LDB2: variants seen among roughly 807,000 people sequenced by gnomAD.
LDB2 encodes the protein LIM domain binding 2.
A neutral mutation model predicts 44.3 loss-of-function variants in LDB2; 12 were observed. The ratio of observed to expected loss-of-function variants is 0.27; its 90% confidence interval spans 0.17 to 0.44. LDB2 has a LOEUF of 0.44. LDB2 is among the 20% of genes least tolerant of loss of function. LDB2 has a pLI of 1.00. For missense variants in LDB2, 344 were observed against 473.5 expected (o/e 0.73, Z 2.54); for synonymous variants, 164 against 174.8 (o/e 0.94, Z 0.49).
At chr4:16,599,509 A>G (rs1721984637) in intron 2 of LDB2, among the ~76,000 whole-genome samples, 1 of 152,148 alleles carries the variant, frequency 6.6e-6, no homozygotes, top group African/African-American at 2.4e-5. Context: ...CCCTTTTGCC[A>G]TGTAAGGTCA....
At position 16,549,602 on chromosome 4, in the gene LDB2, G is replaced by A. The variant is rs570360375; in HGVS notation, c.615+36320C>T. Among the ~76,000 whole-genome samples, 3 of 152,256 alleles carry A rather than the reference G, an allele frequency of 2.0e-5. No individual in the cohort carries two copies. The East Asian group carries it at 5.8e-4, about 29-fold the overall frequency. ...CCAGCTTCTGTCTATTCTCAACACA[G>A]CAGTGGGGCCTTCCTGCTCAAACTA... On this transcript the variant is annotated intron_variant, in intron 5 of 7. Coordinates refer to ENST00000304523, the MANE Select transcript of LDB2 (RefSeq NM_001290.5).
intron 7 of LDB2, among the ~76,000 whole-genome samples, chr4:16,507,683 C>G (rs1218778591): frequency 1.3e-5 from 2 of 151,986 alleles, no homozygotes; most frequent in Non-Finnish European, 2.9e-5. Flanking sequence ...GGCCAAACAC[C>G]TGGTGATAGG....
chr4:16,631,678 T>C (rs1015686068), intron 2 of LDB2, among the ~76,000 whole-genome samples: 1 of 151,946 alleles, frequency 6.6e-6, no homozygotes, highest in Non-Finnish European at 1.5e-5. Flanking sequence ...ACAAAATAGA[T>C]AGACTGCTAG....
intron 2 of LDB2, among the ~76,000 whole-genome samples, chr4:16,631,944 A>G (rs1282390931): frequency 6.6e-6 from 1 of 152,242 alleles, no homozygotes; most frequent in Non-Finnish European, 1.5e-5. Context: ...GCAATAATTA[A>G]TAGCCTATCA....
chr4:16,615,009 G>A (rs570197820), intron 2 of LDB2, among the ~76,000 whole-genome samples: 30 of 141,102 alleles, frequency 2.1e-4, no homozygotes, highest in African/African-American at 7.4e-4. Context: ...GGTGGAGCTT[G>A]CAGTGAGCCG....
intron 1 of LDB2, among the ~76,000 whole-genome samples, chr4:16,872,110 T>TA (rs1561500042): frequency 1.3e-5 from 2 of 152,012 alleles, no homozygotes; most frequent in Non-Finnish European, 2.9e-5. Flanking sequence ...GTAAAACTTA[T>TA]AATAAGCGTA....
At chr4:16,643,244 G>A (rs908640993) in intron 2 of LDB2, among the ~76,000 whole-genome samples, 1 of 152,084 alleles carries the variant, frequency 6.6e-6, no homozygotes, top group Non-Finnish European at 1.5e-5. Flanking sequence ...TGTGCTAACT[G>A]CACCACCCAG....
At position 16,863,820 on chromosome 4, in the gene LDB2, C is replaced by T. The variant is rs560748437; in HGVS notation, c.132+34534G>A. On this transcript the variant is annotated intron_variant, in intron 1 of 7. Transcript: ENST00000304523. Reference sequence around the variant, plus strand: ...CGATTACAGGCACCCGCCACCACGCCCGGCTAATTTTTTGTATTTTTAGTA... The same window carrying T: ...CGATTACAGGCACCCGCCACCACGCTCGGCTAATTTTTTGTATTTTTAGTA... Among the ~76,000 whole-genome samples the T allele has an allele frequency of 3.3e-5, 5 of 152,228 alleles. No homozygotes were observed. The South Asian group carries it at 1.0e-3, about 32-fold the overall frequency.
At chr4:16,705,215 G>C (rs61440065) in intron 2 of LDB2, among the ~76,000 whole-genome samples, 2,023 of 152,186 alleles carry the variant, frequency 0.013, 56 homozygotes, top group African/African-American at 0.046. Flanking sequence ...GAAGAAGTGT[G>C]CTCACTCCAA....
intron 1 of LDB2, among the ~76,000 whole-genome samples, chr4:16,854,661 C>T (rs1036163042): frequency 4.9e-4 from 74 of 149,720 alleles, no homozygotes; most frequent in African/African-American, 1.7e-3. Flanking sequence ...ATATACTTTA[C>T]GTCTATATAT....
At chr4:16,855,736 G>A (rs904827552) in intron 1 of LDB2, among the ~76,000 whole-genome samples, 28 of 152,208 alleles carry the variant, frequency 1.8e-4, no homozygotes, top group East Asian at 1.5e-3. Context: ...TGAGACTGAT[G>A]ATGATATTAA....
chr4:16,873,422 T>C (rs1472409794), intron 1 of LDB2, among the ~76,000 whole-genome samples: 3 of 152,138 alleles, frequency 2.0e-5, no homozygotes, highest in Non-Finnish European at 4.4e-5. Context: ...AGCTAGAACC[T>C]GGAAAAGAGA....
chr4:16,659,610 A>T (rs891478612), intron 2 of LDB2, among the ~76,000 whole-genome samples: 5 of 144,922 alleles, frequency 3.5e-5, no homozygotes, highest in Admixed American at 2.0e-4. Context: ...TATATGAATT[A>T]CACACACACA....
chr4:16,590,229 T>C (rs1197100743), intron 3 of LDB2, among the ~76,000 whole-genome samples: 2 of 152,228 alleles, frequency 1.3e-5, no homozygotes, highest in Admixed American at 1.3e-4. Context: ...GATTTTTGTC[T>C]GTTTTTTACT....
At chr4:16,721,317 A>C (rs2152682802) in intron 2 of LDB2, among the ~76,000 whole-genome samples, 1 of 152,276 alleles carries the variant, frequency 6.6e-6, no homozygotes, top group East Asian at 1.9e-4. Context: ...AAACGGATAG[A>C]TAATCCAAAA....
intron 2 of LDB2, among the ~76,000 whole-genome samples, chr4:16,640,840 A>G (rs1175901846): frequency 6.6e-6 from 1 of 152,208 alleles, no homozygotes; most frequent in African/African-American, 2.4e-5. Context: ...TTGATATCTT[A>G]GATCTAAGAT....
At position 16,588,486 on chromosome 4, in the gene LDB2, T is replaced by C. The variant is rs865920494; in HGVS notation, c.531+224A>G. ...CAATTTGGAGTTCAAAATAATAAAA[T>C]ATAAAAAATAGTCTCACAATGTACC... On this transcript the variant is annotated intron_variant, in intron 4 of 7. Transcript: ENST00000304523. 4.6e-5 allele frequency among the ~76,000 whole-genome samples: 7 copies of C among 152,134 alleles called. No individual in the cohort carries two copies. In the South Asian group the frequency reaches 8.3e-4, roughly 18 times the overall value.
chr4:16,537,240 A>G (rs1732172873), intron 5 of LDB2, among the ~76,000 whole-genome samples: 1 of 152,246 alleles, frequency 6.6e-6, no homozygotes, highest in Non-Finnish European at 1.5e-5. Flanking sequence ...GGAGAGTTTG[A>G]CAGGGAGAAG....
At chr4:16,867,846 C>G (rs1310399697) in intron 1 of LDB2, among the ~76,000 whole-genome samples, 1 of 152,118 alleles carries the variant, frequency 6.6e-6, no homozygotes, top group Non-Finnish European at 1.5e-5. Flanking sequence ...ATATGAATAT[C>G]CTCCTATGCA....
Sources: gnomAD v4.1 joint callset for allele counts (sites outside exome capture counted in the v4.1 genomes callset) on GRCh38, gnomAD v4.1.1 for gene constraint, MANE v1.5 for transcripts, NCBI Gene and HGNC (gene_info 2026-07-23, HGNC 2026-07-21) for gene names.